Variants in RUNX1 observed in about 807,000 individuals in gnomAD.
RUNX1 encodes runt-related transcription factor 1.
In RUNX1, 19 loss-of-function variants were observed where a neutral mutation model predicts 42.8. That is an observed-to-expected ratio of 0.44 (90% CI 0.31 to 0.65). The LOEUF (loss-of-function observed/expected upper bound fraction) is 0.65, where lower values mean the gene tolerates loss of function less well. Ranked by LOEUF, RUNX1 falls within the 30% of genes least tolerant of loss-of-function variation. The pLI, the probability that RUNX1 is intolerant of heterozygous loss-of-function variation, is 0.07. For missense variants in RUNX1, 528 were observed against 672.0 expected (o/e 0.79, Z 2.37); for synonymous variants, 271 against 289.4 (o/e 0.94, Z 0.64).
chr21:34,949,547 A>G (rs2058591094), intron 2 of RUNX1, among the ~76,000 whole-genome samples: 2 of 152,228 alleles, frequency 1.3e-5, no homozygotes. Flanking sequence ...GATGTAACCT[A>G]CCAGTGGAAT....
Position 34,909,232 on chromosome 21 carries a change from C to T in RUNX1, c.59-16269G>A, listed in dbSNP as rs372467615. On this transcript the variant is annotated intron_variant, in intron 2 of 8. Transcript: ENST00000675419. ...GTCCCCATGCTCCTGACAGTACACC[C>T]GACCCTAAGATTCTTGCTTCGCTTG... is the stretch of plus-strand genomic sequence containing the variant. 7.2e-4 allele frequency among the ~76,000 whole-genome samples: 110 copies of T among 152,172 alleles called. 1 individual carries two copies. The highest frequency in any genetic ancestry group is 2.6e-3 in the African/African-American group (106 of 41,510).
chr21:34,927,535 A>G (rs1255331398), intron 2 of RUNX1, among the ~76,000 whole-genome samples: 1 of 152,114 alleles, frequency 6.6e-6, no homozygotes, highest in Non-Finnish European at 1.5e-5. Context: ...GCAGGGGGCT[A>G]CTCATTTCTC....
intron 6 of RUNX1, among the ~76,000 whole-genome samples, chr21:34,848,463 C>T (rs2057347960): frequency 6.6e-6 from 1 of 152,214 alleles, no homozygotes; most frequent in East Asian, 1.9e-4. Context: ...GAGACAGAGT[C>T]TCACTCTGTC....
rs531392795 is a variant in RUNX1, at chr21:34,848,724, C to T, written c.613+10750G>A. On this transcript the variant is annotated intron_variant, in intron 6 of 8. Coordinates refer to ENST00000675419, the MANE Select transcript of RUNX1 (RefSeq NM_001754.5). ...TGCTGGGATTACAGGCGTGAGCTAC[C>T]GCGCCCAGCCCCCTGGTTCACTTTT... Among the ~76,000 whole-genome samples, 8 of 152,294 alleles carry T rather than the reference C, an allele frequency of 5.3e-5. No individual in the cohort carries two copies. In the South Asian group the frequency reaches 1.0e-3, roughly 20 times the overall value.
At position 34,842,958 on chromosome 21, in the gene RUNX1, CAAGT is replaced by C. The variant is rs904838386; in HGVS notation, c.614-8361_614-8358del. 1.2e-4 allele frequency among the ~76,000 whole-genome samples: 18 copies of C among 152,194 alleles called. 1 individual carries two copies. Among genetic ancestry groups the C allele is most frequent in the South Asian group, 4.1e-4 (2 of 4,824 alleles). ...TGGCACGTGCCTGTAGTCCCAGTTA[CAAGT>C]AAGTGGCTGAGGCAGAAGAATTGCT... On this transcript the variant is annotated intron_variant, in intron 6 of 8. Transcript: ENST00000675419.
At chr21:35,038,443 C>A in intron 2 of RUNX1, 2 of 445,470 alleles carry the variant, frequency 4.5e-6, no homozygotes, top group South Asian at 1.6e-5. Context: ...TAGAGAGAAG[C>A]TACGTCCTGG....
intron 5 of RUNX1, 100 bp downstream of exon 5, chr21:34,880,457 C>T (rs1382374322): frequency 2.1e-5 from 23 of 1,119,658 alleles, no homozygotes; most frequent in Middle Eastern, 2.3e-4. Flanking sequence ...TAAGACAGAC[C>T]GAGTTTCTAG....
intron 3 of RUNX1, among the ~76,000 whole-genome samples, chr21:34,891,244 C>T (rs148898045): frequency 1.3e-5 from 2 of 152,214 alleles, no homozygotes; most frequent in Non-Finnish European, 2.9e-5. Context: ...GTGGGAGCTG[C>T]TCAGCTAGGA....
intron 2 of RUNX1, among the ~76,000 whole-genome samples, chr21:34,952,637 C>A (rs2058617162): frequency 6.6e-6 from 1 of 152,154 alleles, no homozygotes. Context: ...ATCTCTTCAA[C>A]ACCTCTCTAG....
At chr21:34,911,964 A>G (rs765073149) in intron 2 of RUNX1, among the ~76,000 whole-genome samples, 1 of 151,794 alleles carries the variant, frequency 6.6e-6, no homozygotes, top group Non-Finnish European at 1.5e-5. Flanking sequence ...CACAACTATC[A>G]TGTCACATGC....
At chr21:34,889,567 C>T in intron 3 of RUNX1, 1 of 706,918 alleles carries the variant, frequency 1.4e-6, no homozygotes, top group South Asian at 3.9e-5. Flanking sequence ...GCACCCGCAG[C>T]AGCCGGACAG....
At position 34,792,444 on chromosome 21, in the gene RUNX1, G is replaced by A; in HGVS notation, c.1134C>T (p.His378=). 3 of 1,574,838 alleles carry A rather than the reference G, an allele frequency of 1.9e-6. No individual in the cohort carries two copies. Among genetic ancestry groups the A allele is most frequent in the African/African-American group, 2.7e-5 (2 of 74,302 alleles). Residue 378 remains histidine, a synonymous_variant, in exon 9 of 9, where the codon CAC becomes CAT. Coordinates refer to ENST00000675419, the MANE Select transcript of RUNX1 (RefSeq NM_001754.5). The surrounding 1 kb of genome is among the most constrained non-coding windows in gnomAD (Gnocchi z 6.9). ...CGGGGTAGGGCGGCGGCAGGTAGGT[G>A]TGGTAGCGCGTGGCCGAGCCCATGG... ...MSAMGSATRY[H]TYLPPPYPGS...
chr21:34,872,099 C>T (rs1314281083), intron 5 of RUNX1, among the ~76,000 whole-genome samples: 2 of 152,200 alleles, frequency 1.3e-5, no homozygotes, highest in South Asian at 2.1e-4. Flanking sequence ...CTGCCTTGGC[C>T]TCCTAAAGTG....
chr21:34,910,925 C>A (rs2058267348), intron 2 of RUNX1, among the ~76,000 whole-genome samples: 1 of 152,088 alleles, frequency 6.6e-6, no homozygotes, highest in Admixed American at 6.5e-5. Flanking sequence ...CACACGCCAC[C>A]ACACCCCACT....
At chr21:34,879,565 AT>A (rs1001894362) in intron 5 of RUNX1, among the ~76,000 whole-genome samples, 132 of 152,010 alleles carry the variant, frequency 8.7e-4, no homozygotes, top group African/African-American at 3.1e-3. Context: ...TGGTGCTTCC[AT>A]TTTTTTCAAT....
intron 7 of RUNX1, among the ~76,000 whole-genome samples, chr21:34,812,022 CA>C (rs1410231974): frequency 2.0e-5 from 3 of 150,744 alleles, no homozygotes; most frequent in Non-Finnish European, 3.0e-5. Context: ...AGCTCTCTTG[CA>C]CCTCTCTATT....
rs76748579 is a variant in RUNX1 at position 34,869,893 on chromosome 21, C to T, written c.509-10315G>A. Among the ~76,000 whole-genome samples, 85 of 152,168 alleles carry T rather than the reference C, an allele frequency of 5.6e-4. 1 individual carries two copies. In the East Asian group the frequency reaches 0.014, roughly 26 times the overall value. On this transcript the variant is annotated intron_variant, in intron 5 of 8. Transcript: ENST00000675419. The stretch of plus-strand genomic sequence containing the variant: ...AAATGAAGTGTTTACTGTTAAAATA[C>T]GATTGGGAATTAAAAGGGGCACATA...
At chr21:34,798,148 C>T (rs557292324) in intron 8 of RUNX1, 89 of 456,688 alleles carry the variant, frequency 1.9e-4, no homozygotes, top group Admixed American at 1.7e-3. Context: ...TCCACTGCCC[C>T]TGTGCCTGCC....
intron 2 of RUNX1, among the ~76,000 whole-genome samples, chr21:34,979,100 C>T (rs2058826767): frequency 6.6e-6 from 1 of 152,166 alleles, no homozygotes; most frequent in Non-Finnish European, 1.5e-5. Flanking sequence ...GCCCTGAAGG[C>T]TCCAGTCAAG....
Sources: allele counts gnomAD v4.1 joint callset (sites outside exome capture counted in the v4.1 genomes callset), GRCh38; gene constraint gnomAD v4.1.1; non-coding constraint Gnocchi (gnomAD v3.1); transcripts MANE v1.5; gene names NCBI Gene and HGNC (gene_info 2026-07-23, HGNC 2026-07-21).